TOM1L2: variants seen among roughly 807,000 people sequenced by gnomAD.
TOM1L2 encodes the protein TOM1-like protein 2.
TOM1L2 carries 31 observed loss-of-function variants against 67.9 expected under a neutral mutation model. That is an observed-to-expected ratio of 0.46 (90% CI 0.34 to 0.62). The LOEUF (loss-of-function observed/expected upper bound fraction) is 0.62. Among genes scored for constraint, TOM1L2 ranks in the 20% least tolerant of loss-of-function variants. TOM1L2 has a pLI of 0.01. For synonymous variants in TOM1L2, 256 were observed against 254.0 expected (o/e 1.01, Z -0.07); for missense variants, 606 against 663.5 (o/e 0.91, Z 0.95).
chr17:17,908,129 A>G (rs1017912809), intron 1 of TOM1L2, among the ~76,000 whole-genome samples: 1 of 152,226 alleles, frequency 6.6e-6, no homozygotes, highest in Admixed American at 6.5e-5. Context: ...AAGCCACTGT[A>G]GGTGTGGTGT....
intron 1 of TOM1L2, among the ~76,000 whole-genome samples, chr17:17,920,009 A>C (rs1439239401): frequency 6.6e-6 from 1 of 152,072 alleles, no homozygotes; most frequent in East Asian, 1.9e-4. Context: ...TTGGACCCTG[A>C]TCCATCCTCA....
chr17:17,950,509 G>A lies in TOM1L2; in HGVS notation c.52+21753C>T, dbSNP rs199553714. ...GGGTCATGCTATCTTACCAAGGCCG[G>A]CCTCAAGCTCCTGGGCTTAAGTGGC... On this transcript the variant is annotated intron_variant, in intron 1 of 14. Coordinates refer to ENST00000379504, the MANE Select transcript of TOM1L2 (RefSeq NM_001082968.2). Among the ~76,000 whole-genome samples the A allele has an allele frequency of 1.3e-4, 19 of 151,882 alleles. No individual in the cohort carries two copies. The East Asian group carries it at 2.5e-3, about 20-fold the overall frequency.
At chr17:17,967,466 T>G (rs554513924) in intron 1 of TOM1L2, among the ~76,000 whole-genome samples, 1 of 152,394 alleles carries the variant, frequency 6.6e-6, no homozygotes, top group Admixed American at 6.5e-5. Flanking sequence ...GTCATCCAAC[T>G]CCAAGCAGTT....
At chr17:17,897,381 C>T (rs570818373) in intron 3 of TOM1L2, among the ~76,000 whole-genome samples, 15 of 152,298 alleles carry the variant, frequency 9.8e-5, no homozygotes, top group African/African-American at 2.9e-4. Context: ...TTTGGGGTTT[C>T]GCTTGGGCAA....
At chr17:17,848,322 G>A (rs1362422475) in intron 14 of TOM1L2, among the ~76,000 whole-genome samples, 4 of 152,190 alleles carry the variant, frequency 2.6e-5, no homozygotes, top group Admixed American at 6.5e-5. Context: ...ACAGGAGCAC[G>A]GAGAGGCAGA....
At chr17:17,919,852 C>G (rs528923247) in intron 1 of TOM1L2, among the ~76,000 whole-genome samples, 9 of 152,314 alleles carry the variant, frequency 5.9e-5, no homozygotes, top group African/African-American at 1.7e-4. Context: ...TTTAACCCTA[C>G]CATCCCACGC....
chr17:17,849,321 G>A (rs2035829681), intron 13 of TOM1L2, among the ~76,000 whole-genome samples: 1 of 152,190 alleles, frequency 6.6e-6, no homozygotes, highest in Non-Finnish European at 1.5e-5. Context: ...AGACGCTGTT[G>A]ACACCAATAG....
At chr17:17,966,870 G>A (rs1242004505) in intron 1 of TOM1L2, among the ~76,000 whole-genome samples, 6 of 152,164 alleles carry the variant, frequency 3.9e-5, no homozygotes, top group African/African-American at 1.4e-4. Context: ...ATCTCACAAG[G>A]TTGTGAACAC....
Position 17,848,688 on chromosome 17 carries a change from G to A in TOM1L2, c.1375+135C>T, listed in dbSNP as rs79886927. 5,338 of 928,802 alleles carry A rather than the reference G, an allele frequency of 5.7e-3. 106 individuals carry two copies. The East Asian group carries it at 0.06, about 10-fold the overall frequency. The allele number at this position is 928,802 out of a possible 1,614,324, so 57.5% of individuals were successfully genotyped here. On this transcript the variant is annotated intron_variant, in intron 14 of 14. Coordinates refer to ENST00000379504, the MANE Select transcript of TOM1L2 (RefSeq NM_001082968.2). ...AGACCTGGGTGGGACAAAGCCACCC[G>A]TGAAGCCCATGGCTCAGGGCCTGGC...
chr17:17,864,440 G>C (rs1417647771), intron 10 of TOM1L2, among the ~76,000 whole-genome samples: 2 of 150,140 alleles, frequency 1.3e-5, no homozygotes, highest in Non-Finnish European at 3.0e-5. Context: ...TCGATCTCCT[G>C]ACCTTGTGAT....
intron 1 of TOM1L2, among the ~76,000 whole-genome samples, chr17:17,969,414 C>A (rs965166970): frequency 6.6e-6 from 1 of 152,068 alleles, no homozygotes; most frequent in Admixed American, 6.6e-5. Flanking sequence ...TGTATTCCCC[C>A]TCCCTCCCAC....
intron 1 of TOM1L2, among the ~76,000 whole-genome samples, chr17:17,950,383 T>C (rs2041150348): frequency 6.6e-6 from 1 of 152,042 alleles, no homozygotes; most frequent in African/African-American, 2.4e-5. Flanking sequence ...TGTCTCGAAC[T>C]CCTGACCTAA....
At chr17:17,893,571 T>C (rs1235864730) in intron 4 of TOM1L2, 90 bp downstream of exon 4, 6 of 1,214,866 alleles carry the variant, frequency 4.9e-6, no homozygotes, top group Admixed American at 5.3e-5. Context: ...ATTTTTTTTT[T>C]CCTCCAAATG....
chr17:17,909,825 T>C (rs1022023285), intron 1 of TOM1L2, among the ~76,000 whole-genome samples: 1 of 152,170 alleles, frequency 6.6e-6, no homozygotes, highest in Admixed American at 6.5e-5. Flanking sequence ...AATCCAGGAT[T>C]TGACAACAGC....
intron 1 of TOM1L2, among the ~76,000 whole-genome samples, chr17:17,939,110 T>C (rs1226053706): frequency 6.6e-6 from 1 of 152,244 alleles, no homozygotes; most frequent in African/African-American, 2.4e-5. Context: ...GTAATTTGTT[T>C]CTACCCATTA....
chr17:17,905,243 C>T (rs1273775706), intron 2 of TOM1L2, among the ~76,000 whole-genome samples: 2 of 152,238 alleles, frequency 1.3e-5, no homozygotes, highest in Admixed American at 1.3e-4. Flanking sequence ...CCAGTGCAGG[C>T]CACTGCCCCC....
intron 1 of TOM1L2, among the ~76,000 whole-genome samples, chr17:17,928,824 C>T (rs1338398451): frequency 6.6e-6 from 1 of 152,108 alleles, no homozygotes; most frequent in Non-Finnish European, 1.5e-5. Flanking sequence ...GCTATTCCCA[C>T]CCACAGTAGC....
intron 5 of TOM1L2, 55 bp from the exon 6 acceptor site, chr17:17,882,918 C>G (rs1357240478): frequency 1.9e-6 from 3 of 1,599,478 alleles, no homozygotes; most frequent in Non-Finnish European, 2.6e-6. Flanking sequence ...CATAGCTGGA[C>G]CTGGTACCTA....
chr17:17,850,970 A>C lies in TOM1L2; in HGVS notation c.1279-18T>G. The C allele has an allele frequency of 6.2e-7, 1 of 1,613,476 alleles. No homozygotes were observed. The highest frequency in any genetic ancestry group is 8.5e-7 in the Non-Finnish European group (1 of 1,179,992). On this transcript the variant is annotated intron_variant, in intron 12 of 14. Transcript: ENST00000379504. ...ACGGGGATCTATGGAGGCGGCAAGC[A>C]GCGGGCCAGGCAGCCCCCACACAGC...
Sources: gnomAD v4.1 joint callset for allele counts (sites outside exome capture counted in the v4.1 genomes callset) on GRCh38, gnomAD v4.1.1 for gene constraint, MANE v1.5 for transcripts, NCBI Gene and HGNC (gene_info 2026-07-23, HGNC 2026-07-21) for gene names.